GON7: variants seen among roughly 807,000 people sequenced by gnomAD.
GON7 encodes GON7 subunit of KEOPS complex, also known as EKC/KEOPS complex subunit GON7.
A neutral mutation model predicts 7.6 loss-of-function variants in GON7; 2 were observed. The observed-to-expected ratio is 0.26, with a 90% CI of 0.11 to 0.83. The LOEUF is 0.83. Ranked by LOEUF, GON7 falls within the 40% of genes least tolerant of loss-of-function variation. GON7 has a pLI of 0.65. For missense variants in GON7, 121 were observed against 132.2 expected (o/e 0.92, Z 0.42); for synonymous variants, 54 against 56.6 (o/e 0.95, Z 0.20).
chr14:93,204,307 T>C (rs1165020738), intron 1 of GON7, among the ~76,000 whole-genome samples: 1 of 152,244 alleles, frequency 6.6e-6, no homozygotes, highest in South Asian at 2.1e-4. Flanking sequence ...ATCCACTCTT[T>C]TAAAAAGTGT....
At position 93,204,229 on chromosome 14, in the gene GON7, C is replaced by T. The variant is rs182769404; in HGVS notation, c.209-447G>A. Reference sequence around the variant, plus strand: ...CAAGATGGTCTTGTTCTCCTGACCTCGTGATCCGCCCGCCTCGGCCTCCCA... The same window carrying T: ...CAAGATGGTCTTGTTCTCCTGACCTTGTGATCCGCCCGCCTCGGCCTCCCA... On this transcript the variant is annotated intron_variant, in intron 1 of 1. Transcript: ENST00000306954. 1.2e-3 allele frequency among the ~76,000 whole-genome samples: 180 copies of T among 152,196 alleles called. 1 individual carries two copies. In the East Asian group the frequency reaches 0.032, roughly 27 times the overall value.
rs1179500440 is a variant in GON7, at chr14:93,202,955, T to C, written c.*733A>G. 1.3e-5 allele frequency: 2 copies of C among 152,208 alleles called. No individual in the cohort carries two copies. Among genetic ancestry groups the C allele is most frequent in the Middle Eastern group, 3.2e-3 (1 of 316 alleles). The allele number at this position is 152,208 out of a possible 1,614,324, so 9.4% of individuals were successfully genotyped here. The stretch of plus-strand genomic sequence containing the variant: ...ATCTTTTTAAAGCAAAATCAAAGTA[T>C]GGCTACAGGAGGAGAGGAAATATCC... On this transcript the variant is annotated 3_prime_UTR_variant, in exon 2 of 2. Coordinates refer to ENST00000306954, the MANE Select transcript of GON7 (RefSeq NM_032490.5).
At chr14:93,206,028 C>T (rs776933753) in intron 1 of GON7, among the ~76,000 whole-genome samples, 1 of 151,740 alleles carries the variant, frequency 6.6e-6, no homozygotes, top group Non-Finnish European at 1.5e-5. Flanking sequence ...TTTTTTGAGA[C>T]GGAGTCTCGC....
intron 1 of GON7, 51 bp from the exon 2 acceptor site, chr14:93,203,833 AAT>A: frequency 3.5e-6 from 5 of 1,410,776 alleles, no homozygotes; most frequent in Non-Finnish European, 5.0e-6. Flanking sequence ...GGCTGAAAGA[AAT>A]ATATATAGCT....
chr14:93,206,547 A>T (rs546818266), intron 1 of GON7, among the ~76,000 whole-genome samples: 164 of 152,162 alleles, frequency 1.1e-3, no homozygotes, highest in Non-Finnish European at 1.4e-3. Flanking sequence ...TTTATTTTTT[A>T]AATTATTTTA....
chr14:93,203,684 ATTG>A lies in GON7; in HGVS notation c.*1_*3del. 1.2e-6 allele frequency: 2 copies of A among 1,611,766 alleles called. No individual in the cohort carries two copies. Among genetic ancestry groups the A allele is most frequent in the Non-Finnish European group, 1.7e-6 (2 of 1,177,894 alleles). On this transcript the variant is annotated 3_prime_UTR_variant, in exon 2 of 2. Coordinates refer to ENST00000306954, the MANE Select transcript of GON7 (RefSeq NM_032490.5). ...CCATCTTTTAAATGTCATGAAGGCT[ATTG>A]TTAAGACGGTGTTTTTGGCCGTTTT... is the stretch of plus-strand genomic sequence containing the variant.
chr14:93,206,900 T>C lies in GON7; in HGVS notation c.138A>G (p.Glu46=), dbSNP rs770048637. The C allele has an allele frequency of 6.2e-7, 1 of 1,614,130 alleles. No homozygotes were observed. Among genetic ancestry groups the C allele is most frequent in the East Asian group, 2.2e-5 (1 of 44,884 alleles). Residue 46 remains glutamate, a synonymous_variant, in exon 1 of 2, where the codon GAA becomes GAG. Transcript: ENST00000306954. ...CCCCCTGTACCAGAGGGTCGAATAATTCCGTTACCATGTCCTTCATCTGGG... is the reference window on the plus strand; with the variant it reads ...CCCCCTGTACCAGAGGGTCGAATAACTCCGTTACCATGTCCTTCATCTGGG... ...GVAQMKDMVT[E]LFDPLVQGEV...
At chr14:93,205,780 A>C (rs991088668) in intron 1 of GON7, among the ~76,000 whole-genome samples, 1 of 152,218 alleles carries the variant, frequency 6.6e-6, no homozygotes, top group African/African-American at 2.4e-5. Flanking sequence ...TGGAAAGGCA[A>C]GGGAGTCTCT....
intron 1 of GON7, among the ~76,000 whole-genome samples, chr14:93,204,775 C>G (rs1894310251): frequency 6.6e-6 from 1 of 151,976 alleles, no homozygotes; most frequent in Non-Finnish European, 1.5e-5. Flanking sequence ...ATGGATATAC[C>G]ACATTTTGTT....
chr14:93,205,053 T>C (rs1894313569), intron 1 of GON7, among the ~76,000 whole-genome samples: 1 of 152,238 alleles, frequency 6.6e-6, no homozygotes, highest in Non-Finnish European at 1.5e-5. Context: ...TGTGTGAACA[T>C]ACGTTTCCAG....
rs1459660711 is a variant in GON7 at position 93,203,083 on chromosome 14, T to C, written c.*605A>G. 1 of 152,270 alleles carries C rather than the reference T, an allele frequency of 6.6e-6. No homozygotes were observed. Among genetic ancestry groups the C allele is most frequent in the Non-Finnish European group, 1.5e-5 (1 of 68,128 alleles). 9.4% of individuals were successfully genotyped at this position (152,270 alleles called of 1,614,324 possible). ...CATACCCCATCTGGCTCTCTTAAGGTACATGATAAATCAGACTAATGCACA... is the reference window on the plus strand; with the variant it reads ...CATACCCCATCTGGCTCTCTTAAGGCACATGATAAATCAGACTAATGCACA... On this transcript the variant is annotated 3_prime_UTR_variant, in exon 2 of 2. Coordinates refer to ENST00000306954, the MANE Select transcript of GON7 (RefSeq NM_032490.5).
chr14:93,206,859 ACCCGGTGCTGCACTTCC>A lies in GON7; in HGVS notation c.162_178del (p.Glu55GlyfsTer11), dbSNP rs759279823. The A allele has an allele frequency of 1.2e-6, 2 of 1,613,960 alleles. No individual in the cohort carries two copies. Among genetic ancestry groups the A allele is most frequent in the Non-Finnish European group, 1.7e-6 (2 of 1,180,014 alleles). ...CAAGTCCTCGTCTGGAGCCGCCGCC[ACCCGGTGCTGCACTTCC>A]CCCTGTACCAGAGGGTCGAATAATT... On this transcript the variant is annotated frameshift_variant, in exon 1 of 2. Transcript: ENST00000306954. LOFTEE classifies it high-confidence loss of function.
At position 93,206,833 on chromosome 14, in the gene GON7, C is replaced by T; in HGVS notation, c.205G>A (p.Asp69Asn). The T allele has an allele frequency of 1.2e-6, 2 of 1,613,578 alleles. No individual in the cohort carries two copies. The highest frequency in any genetic ancestry group is 2.2e-5 in the East Asian group (1 of 44,862). Residue 69 changes from aspartate to asparagine, a missense_variant, in exon 1 of 2, where the codon GAC (aspartate) becomes AAC (asparagine). By Grantham distance (23) the Asp-to-Asn change is conservative (BLOSUM62 1). Coordinates refer to ENST00000306954, the MANE Select transcript of GON7 (RefSeq NM_032490.5). Reference protein sequence around the residue: ...RVAAAPDEDLDGDDEDDAEDE... With the variant: ...RVAAAPDEDLNGDDEDDAEDE... ...GCAGCACCGTCTCAGAGCTCACCGT[C>T]CAAGTCCTCGTCTGGAGCCGCCGCC...
Position 93,206,818 on chromosome 14 carries a change from C to T in GON7, c.208+12G>A. ...CGTCCTCCGGTCACTGCAGCACCGT[C>T]TCAGAGCTCACCGTCCAAGTCCTCG... On this transcript the variant is annotated intron_variant, in intron 1 of 1. Coordinates refer to ENST00000306954, the MANE Select transcript of GON7 (RefSeq NM_032490.5). 1 of 1,611,888 alleles carries T rather than the reference C, an allele frequency of 6.2e-7. No individual in the cohort carries two copies. The highest frequency in any genetic ancestry group is 8.5e-7 in the Non-Finnish European group (1 of 1,179,138).
chr14:93,203,997 C>T (rs1382678710), intron 1 of GON7, among the ~76,000 whole-genome samples: 5 of 151,846 alleles, frequency 3.3e-5, no homozygotes. Context: ...ATAAAATCCA[C>T]TCTTTTTTTC....
Position 93,207,053 on chromosome 14 carries a change from T to C in GON7, c.-16A>G. Reference sequence around the variant, plus strand: ...GCAGCTCCATGGTGACCGCTAAGCTTCCAGAACACGACACCGGGAAGCGCC... The same window carrying C: ...GCAGCTCCATGGTGACCGCTAAGCTCCCAGAACACGACACCGGGAAGCGCC... On this transcript the variant is annotated 5_prime_UTR_variant, in exon 1 of 2. Coordinates refer to ENST00000306954, the MANE Select transcript of GON7 (RefSeq NM_032490.5). 6.2e-7 allele frequency: 1 copy of C among 1,612,140 alleles called. No homozygotes were observed. The highest frequency in any genetic ancestry group is 8.5e-7 in the Non-Finnish European group (1 of 1,179,614).
intron 1 of GON7, among the ~76,000 whole-genome samples, chr14:93,204,194 C>T (rs144267512): frequency 1.8e-4 from 27 of 152,244 alleles, no homozygotes; most frequent in Middle Eastern, 6.8e-3. Context: ...TGGGGTTTCA[C>T]CATGTTGGCC....
Position 93,203,421 on chromosome 14 carries a change from C to T in GON7, c.*267G>A, listed in dbSNP as rs2140092834. The T allele has an allele frequency of 2.6e-6, 1 of 377,734 alleles. No individual in the cohort carries two copies. Among genetic ancestry groups the T allele is most frequent in the South Asian group, 7.8e-5 (1 of 12,814 alleles). The allele number at this position is 377,734 out of a possible 1,614,324, so 23.4% of individuals were successfully genotyped here. On this transcript the variant is annotated 3_prime_UTR_variant, in exon 2 of 2. Transcript: ENST00000306954. ...AAAATAGAAAACAATGATAAAAATT[C>T]AGTTGCCAACTTAGAGGATTTTATA...
intron 1 of GON7, among the ~76,000 whole-genome samples, chr14:93,206,585 T>C (rs991471711): frequency 1.3e-5 from 2 of 151,758 alleles, no homozygotes; most frequent in Non-Finnish European, 2.9e-5. Context: ...GGGGTCTCGA[T>C]ATGTTGCCCT....
Sources: gnomAD v4.1 joint callset for allele counts (sites outside exome capture counted in the v4.1 genomes callset) on GRCh38, gnomAD v4.1.1 for gene constraint, MANE v1.5 for transcripts, NCBI Gene and HGNC (gene_info 2026-07-23, HGNC 2026-07-21) for gene names.